Variants in SMAD3 observed in about 807,000 individuals in gnomAD.
The protein encoded by SMAD3 is MAD homolog 3.
In SMAD3, 12 loss-of-function variants were observed where a neutral mutation model predicts 51.8. That is an observed-to-expected ratio of 0.23 (90% CI 0.15 to 0.38). The LOEUF (loss-of-function observed/expected upper bound fraction) is 0.38. Among genes scored for constraint, SMAD3 ranks in the 10% least tolerant of loss-of-function variants. SMAD3 has a pLI of 1.00. For missense variants in SMAD3, 294 were observed against 565.6 expected, an observed-to-expected ratio of 0.52 and a Z score of 4.87; for synonymous variants, 238 against 227.7, an observed-to-expected ratio of 1.05 and a Z score of -0.41.
intron 1 of SMAD3, among the ~76,000 whole-genome samples, chr15:67,079,570 C>T (rs1388129174): frequency 1.3e-5 from 2 of 152,194 alleles, no homozygotes; most frequent in African/African-American, 4.8e-5. Context: ...TAAGCCCACT[C>T]ACATGGGGTG....
chr15:67,184,399 G>A (rs758331308), intron 6 of SMAD3, among the ~76,000 whole-genome samples: 17 of 152,122 alleles, frequency 1.1e-4, no homozygotes, highest in Non-Finnish European at 2.1e-4. Flanking sequence ...GAGCCACCGC[G>A]CCTGGCCCCC....
intron 1 of SMAD3, among the ~76,000 whole-genome samples, chr15:67,160,588 C>A (rs963661708): frequency 6.6e-6 from 1 of 151,882 alleles, no homozygotes. Context: ...CTGGTTAACA[C>A]ATGAAACCCC....
chr15:67,183,029 ATATTT>A lies in SMAD3; in HGVS notation c.871+1578_871+1582del, dbSNP rs1350434047. Among the ~76,000 whole-genome samples the A allele has an allele frequency of 1.2e-3, 58 of 48,094 alleles. No individual in the cohort carries two copies. The South Asian group carries it at 0.012, about 10-fold the overall frequency. 31.6% of individuals were successfully genotyped at this position (48,094 alleles called of 152,430 possible). ...TATATATATATATATATATATATATATATTTTTTTTTTTTTTTTTTTTGGAGCGGG... is the reference window on the plus strand; with the variant it reads ...TATATATATATATATATATATATATATTTTTTTTTTTTTTTTTGGAGCGGG... On this transcript the variant is annotated intron_variant, in intron 6 of 8. Transcript: ENST00000327367.
intron 1 of SMAD3, among the ~76,000 whole-genome samples, chr15:67,075,615 A>G (rs932106084): frequency 6.6e-5 from 10 of 152,134 alleles, no homozygotes; most frequent in African/African-American, 2.4e-4. Flanking sequence ...TACCTACTTC[A>G]TAGAAATCAA....
chr15:67,127,436 ACTGGCCCATC>A (rs1464668355), intron 1 of SMAD3, among the ~76,000 whole-genome samples: 1 of 152,068 alleles, frequency 6.6e-6, no homozygotes, highest in Admixed American at 6.5e-5. Context: ...TTCCCAGATG[ACTGGCCCATC>A]CTGCCCTTTC....
chr15:67,068,035 T>G (rs1959968262), intron 1 of SMAD3, among the ~76,000 whole-genome samples: 1 of 152,194 alleles, frequency 6.6e-6, no homozygotes, highest in Admixed American at 6.5e-5. Context: ...GTGGTATCAA[T>G]TGTAAAACAG....
At chr15:67,186,881 G>A (rs183146193) in intron 7 of SMAD3, 9 of 356,284 alleles carry the variant, frequency 2.5e-5, no homozygotes, top group Admixed American at 1.5e-4. Flanking sequence ...GTAGCCTTTC[G>A]GCCAGCCCGT....
In SMAD3 at chr15:67,193,284, G is replaced by A. The variant is rs1963411951; in HGVS notation, c.*2748G>A. On this transcript the variant is annotated 3_prime_UTR_variant, in exon 9 of 9. Transcript: ENST00000327367. ...TGGCGTTCACCTAGTCAACACGACC[G>A]CGTGTGTTGCCCCTGCCCTGGGCTC... The A allele has an allele frequency of 1.3e-5, 3 of 233,306 alleles. No homozygotes were observed. The highest frequency in any genetic ancestry group is 6.0e-5 in the East Asian group (1 of 16,732). 14.5% of individuals were successfully genotyped at this position (233,306 alleles called of 1,614,324 possible).
intron 1 of SMAD3, among the ~76,000 whole-genome samples, chr15:67,120,854 A>G (rs1961242798): frequency 6.7e-6 from 1 of 150,166 alleles, no homozygotes; most frequent in African/African-American, 2.4e-5. Flanking sequence ...ACATTGTAAG[A>G]TTTTTTTTTT....
At chr15:67,075,857 G>A (rs530505351) in intron 1 of SMAD3, among the ~76,000 whole-genome samples, 13 of 151,606 alleles carry the variant, frequency 8.6e-5, no homozygotes, top group South Asian at 6.3e-4. Flanking sequence ...AGAGCTTGCC[G>A]TGAGCCAAGA....
chr15:67,134,602 GCAAACA>G (rs1183723717), intron 1 of SMAD3, among the ~76,000 whole-genome samples: 1 of 152,102 alleles, frequency 6.6e-6, no homozygotes, highest in African/African-American at 2.4e-5. Flanking sequence ...CCTTTCCTTG[GCAAACA>G]CTTGACCCAT....
intron 1 of SMAD3, among the ~76,000 whole-genome samples, chr15:67,076,479 C>G (rs926874286): frequency 6.6e-6 from 1 of 152,158 alleles, no homozygotes; most frequent in Non-Finnish European, 1.5e-5. Flanking sequence ...GAATGCACTT[C>G]CGGCTCCCCC....
intron 6 of SMAD3, among the ~76,000 whole-genome samples, chr15:67,183,326 G>A (rs1475280450): frequency 6.6e-6 from 1 of 151,946 alleles, no homozygotes; most frequent in Non-Finnish European, 1.5e-5. Flanking sequence ...TTACAGGTGT[G>A]AGCCACCATG....
chr15:67,143,396 T>C (rs1418905737), intron 1 of SMAD3, among the ~76,000 whole-genome samples: 1 of 152,226 alleles, frequency 6.6e-6, no homozygotes, highest in African/African-American at 2.4e-5. Context: ...AGGCTTTTGC[T>C]TGCTTTTTTC....
In SMAD3 at chr15:67,181,334, C is replaced by T. The variant is rs2140314101; in HGVS notation, c.752C>T (p.Ser251Leu). ...NQRVGETFHA[S>L]QPSMTVDGFT... Reference sequence around the variant, plus strand: ...CGCGTCGGGGAGACATTCCACGCCTCGCAGCCATCCATGACTGTGGATGGC... The same window carrying T: ...CGCGTCGGGGAGACATTCCACGCCTTGCAGCCATCCATGACTGTGGATGGC... Residue 251 changes from serine to leucine, a missense_variant, in exon 6 of 9, where the codon TCG (serine) becomes TTG (leucine). Physicochemically the swap from Ser to Leu is moderately radical, Grantham distance 145. Coordinates refer to ENST00000327367, the MANE Select transcript of SMAD3 (RefSeq NM_005902.4). 1.2e-6 allele frequency: 2 copies of T among 1,614,100 alleles called. No homozygotes were observed. The highest frequency in any genetic ancestry group is 1.7e-6 in the Non-Finnish European group (2 of 1,180,026).
At chr15:67,126,604 A>G (rs1327098600) in intron 1 of SMAD3, among the ~76,000 whole-genome samples, 1 of 152,184 alleles carries the variant, frequency 6.6e-6, no homozygotes, top group Non-Finnish European at 1.5e-5. Flanking sequence ...TCTGCGTTTA[A>G]GGCCCATCTT....
intron 1 of SMAD3, among the ~76,000 whole-genome samples, chr15:67,091,306 A>G (rs192914288): frequency 1.3e-3 from 197 of 152,360 alleles, no homozygotes; most frequent in African/African-American, 4.6e-3. Flanking sequence ...AGAGCCTGAC[A>G]GGAGAGATAG....
At chr15:67,081,032 G>A (rs79817099) in intron 1 of SMAD3, among the ~76,000 whole-genome samples, 1,907 of 152,314 alleles carry the variant, frequency 0.013, 23 homozygotes, top group African/African-American at 0.032. Flanking sequence ...AGAGAGGAAC[G>A]GTTTCAGCCT....
At position 67,081,443 on chromosome 15, in the gene SMAD3, C is replaced by T. The variant is rs115153069; in HGVS notation, c.206+15083C>T. On this transcript the variant is annotated intron_variant, in intron 1 of 8. Coordinates refer to ENST00000327367, the MANE Select transcript of SMAD3 (RefSeq NM_005902.4). ...CCGCAGTAAGCCAGTTGGCCCCTTCCGTCGTGAGTCCATCCCACATTCTGT... is the reference window on the plus strand; with the variant it reads ...CCGCAGTAAGCCAGTTGGCCCCTTCTGTCGTGAGTCCATCCCACATTCTGT... 8.0e-3 allele frequency among the ~76,000 whole-genome samples: 1,216 copies of T among 152,230 alleles called. 19 individuals carry two copies. The highest frequency in any genetic ancestry group is 0.028 in the African/African-American group (1,177 of 41,524).
Sources: gnomAD v4.1 joint callset for allele counts (sites outside exome capture counted in the v4.1 genomes callset) on GRCh38, gnomAD v4.1.1 for gene constraint, MANE v1.5 for transcripts, NCBI Gene and HGNC (gene_info 2026-07-23, HGNC 2026-07-21) for gene names.